The following BAZ1A variants were observed in gnomAD, a reference collection of about 807,000 sequenced individuals.
BAZ1A encodes bromodomain adjacent to zinc finger domain protein 1A.
Under a neutral mutation model 185.2 loss-of-function variants are expected in BAZ1A, and 50 were observed. The observed-to-expected ratio is 0.27, with a 90% confidence interval of 0.22 to 0.34. The LOEUF (loss-of-function observed/expected upper bound fraction) is 0.34, where lower values mean the gene tolerates loss of function less well. Among genes scored for constraint, BAZ1A ranks in the 10% least tolerant of loss-of-function variants. The pLI, the probability that BAZ1A is intolerant of heterozygous loss-of-function variation, is 1.00. For synonymous variants in BAZ1A, 571 were observed against 615.6 expected, an observed-to-expected ratio of 0.93 and a Z score of 1.07; for missense variants, 1,356 against 1,839.9, an observed-to-expected ratio of 0.74 and a Z score of 4.81.
At chr14:34,842,593 C>A (rs76947422) in intron 3 of BAZ1A, among the ~76,000 whole-genome samples, 155 of 152,240 alleles carry the variant, frequency 1.0e-3, no homozygotes, top group African/African-American at 3.6e-3. Context: ...CACGCTTTGA[C>A]AAAAATTATA....
chr14:34,825,995 T>C lies in BAZ1A; in HGVS notation c.536+18A>G. 2 of 1,510,192 alleles carry C rather than the reference T, an allele frequency of 1.3e-6. No homozygotes were observed. The highest frequency in any genetic ancestry group is 2.5e-5 in the East Asian group (1 of 40,316). The allele number at this position is 1,510,192 out of a possible 1,614,324, so 93.5% of individuals were successfully genotyped here. ...GGCAATCTGCCAAATAATTTAAAAATTAATAAAAATCACTTACCCATTTTG... is the reference window on the plus strand; with the variant it reads ...GGCAATCTGCCAAATAATTTAAAAACTAATAAAAATCACTTACCCATTTTG... On this transcript the variant is annotated intron_variant, in intron 4 of 26. Coordinates refer to ENST00000360310, the MANE Select transcript of BAZ1A (RefSeq NM_013448.3).
chr14:34,787,675 T>G (rs1837458620), intron 12 of BAZ1A, among the ~76,000 whole-genome samples: 1 of 152,100 alleles, frequency 6.6e-6, no homozygotes, highest in South Asian at 2.1e-4. Context: ...AGAGTTAGAC[T>G]CCGTCTCAAA....
In BAZ1A at chr14:34,783,889, G is replaced by T. The variant is rs1880223578; in HGVS notation, c.1870C>A (p.Leu624Ile). The change falls in exon 15 of 27, where the codon CTA (leucine) becomes ATA (isoleucine). Residue 624 changes from leucine (L) to isoleucine (I), a missense_variant. Coordinates refer to ENST00000360310, the MANE Select transcript of BAZ1A (RefSeq NM_013448.3). The stretch of plus-strand genomic sequence containing the variant: ...TCCCTAGTTGAAACTAGGGTCAGTA[G>T]CTTTCCACAGAGAGCATGGAGTATC... ...MKILHALCGKLLTLVSTRDFI... is the reference protein window; with the variant it reads ...MKILHALCGKILTLVSTRDFI... 1 of 1,611,090 alleles carries T rather than the reference G, an allele frequency of 6.2e-7. No individual in the cohort carries two copies. The highest frequency in any genetic ancestry group is 1.1e-5 in the South Asian group (1 of 90,498).
chr14:34,853,830 A>G (rs1266307799), intron 3 of BAZ1A, among the ~76,000 whole-genome samples: 2 of 152,178 alleles, frequency 1.3e-5, no homozygotes, highest in Admixed American at 6.6e-5. Context: ...AAATGAGACA[A>G]TAAGAAAAGA....
At chr14:34,800,041 A>G (rs1309347814) in intron 9 of BAZ1A, among the ~76,000 whole-genome samples, 183 bp downstream of exon 9, 2 of 152,252 alleles carry the variant, frequency 1.3e-5, no homozygotes, top group Non-Finnish European at 2.9e-5. Flanking sequence ...AGAGGTTTTA[A>G]GTGATGCGTA....
chr14:34,760,924 C>A (rs1296345533), intron 24 of BAZ1A, among the ~76,000 whole-genome samples: 1 of 151,958 alleles, frequency 6.6e-6, no homozygotes, highest in Non-Finnish European at 1.5e-5. Context: ...TTATGAATTT[C>A]TTTATGAATA....
In BAZ1A at chr14:34,874,520, C is replaced by G. The variant is rs1340072280; in HGVS notation, c.85G>C (p.Val29Leu). 6.2e-7 allele frequency: 1 copy of G among 1,612,360 alleles called. No individual in the cohort carries two copies. Among genetic ancestry groups the G allele is most frequent in the Non-Finnish European group, 8.5e-7 (1 of 1,179,294 alleles). ...RPDEEVFYCK[V>L]TNEIFRHYDD... ...TAGTGGCGGAAGATCTCGTTGGTGA[C>G]TTTACAGTAGAAAACTTCCTCGTCG... The change falls in exon 2 of 27, where the codon GTC becomes CTC. Residue 29 changes from valine (V) to leucine (L), a missense_variant. Val to Leu is a conservative substitution (Grantham distance 32). Transcript: ENST00000360310. This position sits in a 1 kb window ranked among gnomAD's most constrained non-coding sequence, Gnocchi z 4.7.
At chr14:34,777,495 T>C (rs1222353324) in intron 17 of BAZ1A, among the ~76,000 whole-genome samples, 1 of 149,706 alleles carries the variant, frequency 6.7e-6, no homozygotes. Flanking sequence ...AATACAAAAA[T>C]TAGCTGGGCA....
At chr14:34,765,667 T>C (rs1168379709) in intron 21 of BAZ1A, among the ~76,000 whole-genome samples, 1 of 152,234 alleles carries the variant, frequency 6.6e-6, no homozygotes, top group African/African-American at 2.4e-5. Context: ...AGATGGACTG[T>C]TCTCCAACTT....
At chr14:34,844,067 G>A (rs916509140) in intron 3 of BAZ1A, among the ~76,000 whole-genome samples, 2 of 150,582 alleles carry the variant, frequency 1.3e-5, no homozygotes, top group African/African-American at 2.4e-5. Flanking sequence ...TTAGCCGGGC[G>A]TGGTAGCGGG....
intron 4 of BAZ1A, among the ~76,000 whole-genome samples, chr14:34,815,542 G>C (rs896995489): frequency 6.6e-6 from 1 of 152,076 alleles, no homozygotes; most frequent in Non-Finnish European, 1.5e-5. Context: ...ATCAAATATT[G>C]TACTAATAAA....
intron 3 of BAZ1A, among the ~76,000 whole-genome samples, chr14:34,838,876 G>C (rs559602511): frequency 6.6e-6 from 1 of 151,982 alleles, no homozygotes; most frequent in African/African-American, 2.4e-5. Flanking sequence ...TCGCAAAAAA[G>C]GTTTAATTTT....
Position 34,800,379 on chromosome 14 carries a change from C to A in BAZ1A, c.973G>T (p.Ala325Ser). 1 of 1,540,664 alleles carries A rather than the reference C, an allele frequency of 6.5e-7. No homozygotes were observed. Residue 325 changes from alanine (A) to serine (S), a missense_variant, in exon 9 of 27, where the codon GCT becomes TCT. Coordinates refer to ENST00000360310, the MANE Select transcript of BAZ1A (RefSeq NM_013448.3). ...EEMKSLAFEKAKLKREKADAL... is the reference protein window; with the variant it reads ...EEMKSLAFEKSKLKREKADAL... The stretch of plus-strand genomic sequence containing the variant: ...TCTGCTTTTTCTCTTTTTAATTTAG[C>A]CTTTTCAAAAGCTGTGAAGAAAAAT...
At chr14:34,822,262 C>T (rs556564894) in intron 4 of BAZ1A, among the ~76,000 whole-genome samples, 27 of 152,248 alleles carry the variant, frequency 1.8e-4, no homozygotes, top group South Asian at 1.7e-3. Flanking sequence ...CCACTGCATT[C>T]CAGCCTGGGT....
chr14:34,795,106 C>T (rs745376079), intron 10 of BAZ1A, among the ~76,000 whole-genome samples: 7 of 152,060 alleles, frequency 4.6e-5, no homozygotes, highest in Non-Finnish European at 1.0e-4. Context: ...GACAAGGGAC[C>T]GGGAGAAAGG....
At position 34,837,598 on chromosome 14, in the gene BAZ1A, T is replaced by G. The variant is rs115490863; in HGVS notation, c.393-11442A>C. On this transcript the variant is annotated intron_variant, in intron 3 of 26. Transcript: ENST00000360310. ...AATCCATGGCTTAAAACCTACATAT[T>G]TCTAATTAGTTTCCAAATATCTGGA... Among the ~76,000 whole-genome samples the G allele has an allele frequency of 2.3e-3, 351 of 152,294 alleles. 1 individual carries two copies. The highest frequency in any genetic ancestry group is 7.8e-3 in the African/African-American group (326 of 41,560).
chr14:34,801,262 C>G, intron 7 of BAZ1A, 69 bp from the exon 8 acceptor site: 2 of 1,032,890 alleles, frequency 1.9e-6, no homozygotes, highest in East Asian at 2.6e-5. Flanking sequence ...ATTTAAAACT[C>G]TCACCAATTA....
Position 34,807,467 on chromosome 14 carries a change from C to G in BAZ1A, c.710G>C (p.Gly237Ala). 6.2e-7 allele frequency: 1 copy of G among 1,607,988 alleles called. No homozygotes were observed. The highest frequency in any genetic ancestry group is 1.3e-5 in the African/African-American group (1 of 74,784). Residue 237 changes from glycine to alanine, a missense_variant, in exon 6 of 27, where the codon GGA (glycine) becomes GCA (alanine). Physicochemically the swap from Gly to Ala is moderately conservative, Grantham distance 60 (BLOSUM62 0). This residue lies in a region of BAZ1A where 332 missense variants were observed against 395.3 expected (regional missense o/e 0.84). Transcript: ENST00000360310. ...FLKQHCEPQD[G>A]VIKIKASSLS... The stretch of plus-strand genomic sequence containing the variant: ...TTTGATTACCTTTATTTTAATGACT[C>G]CATCTTGTGGTTCACAGTGTTGCTT...
chr14:34,835,219 G>T (rs1278312070), intron 3 of BAZ1A, among the ~76,000 whole-genome samples: 1 of 151,806 alleles, frequency 6.6e-6, no homozygotes, highest in Non-Finnish European at 1.5e-5. Flanking sequence ...GCGCCACCAT[G>T]CCCAGCTAAT....
Sources: allele counts gnomAD v4.1 joint callset (sites outside exome capture counted in the v4.1 genomes callset), GRCh38; gene constraint gnomAD v4.1.1; regional missense constraint gnomAD v4.1.1; non-coding constraint Gnocchi (gnomAD v3.1); transcripts MANE v1.5; gene names NCBI Gene and HGNC (gene_info 2026-07-23, HGNC 2026-07-21).